Variants in CKAP5 observed in about 807,000 individuals in gnomAD.
CKAP5 encodes the protein cytoskeleton-associated protein 5.
Under a neutral mutation model 232.8 loss-of-function variants are expected in CKAP5, and 27 were observed. That is an observed-to-expected ratio of 0.12 (90% confidence interval 0.09 to 0.16). The LOEUF (loss-of-function observed/expected upper bound fraction) is 0.16, where lower values mean the gene tolerates loss of function less well. Ranked by LOEUF, CKAP5 falls within the 10% of genes least tolerant of loss-of-function variation. The pLI, the probability that CKAP5 is intolerant of heterozygous loss-of-function variation, is 1.00. For missense variants in CKAP5, 1,838 were observed against 2,424.7 expected (o/e 0.76, Z 5.08); for synonymous variants, 785 against 841.1 (o/e 0.93, Z 1.16).
At chr11:46,796,987 G>C in intron 11 of CKAP5, 47 bp from the exon 12 acceptor site, 1 of 1,600,672 alleles carries the variant, frequency 6.2e-7, no homozygotes, top group Non-Finnish European at 8.5e-7. Flanking sequence ...AGGTATTTTA[G>C]GCATTACTCA....
chr11:46,816,454 GA>G, intron 3 of CKAP5, 50 bp from the exon 4 acceptor site: 5 of 1,493,480 alleles, frequency 3.3e-6, no homozygotes, highest in Non-Finnish European at 3.7e-6. Flanking sequence ...GTAAGAATTG[GA>G]AAAAGGTCAC....
chr11:46,762,577 T>C (rs377292704), intron 31 of CKAP5, 50 bp downstream of exon 31: 39 of 1,603,166 alleles, frequency 2.4e-5, no homozygotes, highest in African/African-American at 2.3e-4. Context: ...ATTTCTTCTA[T>C]AGGCTACTGC....
chr11:46,753,332 A>C lies in CKAP5; in HGVS notation c.5035T>G (p.Ser1679Ala). The C allele has an allele frequency of 6.2e-7, 1 of 1,611,788 alleles. No homozygotes were observed. Among genetic ancestry groups the C allele is most frequent in the Non-Finnish European group, 8.5e-7 (1 of 1,179,298 alleles). The change falls in exon 37 of 44, where the codon TCA becomes GCA. Residue 1679 changes from serine (S) to alanine (A), a missense_variant. Ser to Ala is a moderately conservative substitution (Grantham distance 99). This residue lies in a region of CKAP5 where 579 missense variants were observed against 843.2 expected (regional missense o/e 0.69). Transcript: ENST00000529230. ...NLLVVKVLEKSDQTNILSALL... is the reference protein window; with the variant it reads ...NLLVVKVLEKADQTNILSALL... ...TACCTCAGGATGTTGGTCTGGTCTGACTTCTCCAGAACCTTCACCACCAAG... is the reference window on the plus strand; with the variant it reads ...TACCTCAGGATGTTGGTCTGGTCTGCCTTCTCCAGAACCTTCACCACCAAG...
chr11:46,744,390 C>G, intron 43 of CKAP5, 36 bp downstream of exon 43: 6 of 1,613,824 alleles, frequency 3.7e-6, no homozygotes, highest in Non-Finnish European at 5.1e-6. Context: ...CTTGTGACTA[C>G]CCTCCCTGAA....
At chr11:46,757,354 G>A (rs60182009) in intron 35 of CKAP5, among the ~76,000 whole-genome samples, 4 of 151,126 alleles carry the variant, frequency 2.6e-5, no homozygotes, top group Admixed American at 1.3e-4. Flanking sequence ...TTAGCTGGGC[G>A]TGGTGGTGGG....
Position 46,801,144 on chromosome 11 carries a change from GC to G in CKAP5, c.1083+55del. On this transcript the variant is annotated intron_variant, in intron 9 of 43. Coordinates refer to ENST00000529230, the MANE Select transcript of CKAP5 (RefSeq NM_001008938.4). The stretch of plus-strand genomic sequence containing the variant: ...TGTTTTAAAGCAAACAGCAAACTAG[GC>G]CTACCATTTTTGATAAATTTTGTTG... The G allele has an allele frequency of 3.2e-6, 4 of 1,236,026 alleles. No homozygotes were observed. In the South Asian group the frequency reaches 4.8e-5, roughly 15 times the overall value. The allele number at this position is 1,236,026 out of a possible 1,614,324, so 76.6% of individuals were successfully genotyped here.
intron 13 of CKAP5, among the ~76,000 whole-genome samples, chr11:46,791,178 ATAC>A (rs1419327023): frequency 7.9e-5 from 12 of 152,130 alleles, no homozygotes; most frequent in East Asian, 1.9e-4. Flanking sequence ...GCCTGAAATT[ATAC>A]TACATTTACA....
chr11:46,772,568 T>C (rs941850338), intron 24 of CKAP5, among the ~76,000 whole-genome samples: 1 of 152,200 alleles, frequency 6.6e-6, no homozygotes, highest in Admixed American at 6.5e-5. Context: ...GACTTATTTT[T>C]GTAGCTTTGT....
intron 28 of CKAP5, 120 bp from the exon 29 acceptor site, chr11:46,763,750 G>T: frequency 3.4e-6 from 2 of 590,880 alleles, no homozygotes; most frequent in Non-Finnish European, 5.1e-6. Context: ...ATATTCATTT[G>T]TAATTAAATA....
chr11:46,794,676 A>T (rs1395874886), intron 13 of CKAP5, among the ~76,000 whole-genome samples: 1 of 151,872 alleles, frequency 6.6e-6, no homozygotes, highest in Non-Finnish European at 1.5e-5. Context: ...TCTATAAAAA[A>T]TTTTTAAAAA....
chr11:46,760,413 AT>A (rs2065144397), intron 33 of CKAP5, 198 bp downstream of exon 33: 1 of 688,172 alleles, frequency 1.5e-6, no homozygotes, highest in Admixed American at 2.2e-5. Flanking sequence ...GCACAAGACC[AT>A]TTAGAAGTGG....
At chr11:46,780,993 A>G (rs2134623954) in intron 18 of CKAP5, among the ~76,000 whole-genome samples, 1 of 152,248 alleles carries the variant, frequency 6.6e-6, no homozygotes, top group South Asian at 2.1e-4. Context: ...GCTTAATTAC[A>G]ACTCCTAAAT....
At chr11:46,790,918 T>C (rs1314960338) in intron 13 of CKAP5, among the ~76,000 whole-genome samples, 2 of 152,208 alleles carry the variant, frequency 1.3e-5, no homozygotes, top group Non-Finnish European at 2.9e-5. Flanking sequence ...CCCAAAGTGC[T>C]GGGATTACAA....
intron 16 of CKAP5, among the ~76,000 whole-genome samples, chr11:46,785,178 A>G (rs1294862469): frequency 6.6e-6 from 1 of 152,206 alleles, no homozygotes; most frequent in Non-Finnish European, 1.5e-5. Context: ...AAAATAATTT[A>G]AAGATATTAT....
At chr11:46,824,557 G>A (rs1372320023) in intron 1 of CKAP5, among the ~76,000 whole-genome samples, 1 of 152,046 alleles carries the variant, frequency 6.6e-6, no homozygotes, top group Non-Finnish European at 1.5e-5. Flanking sequence ...TCAAACTCAG[G>A]ACCAGTCTTC....
chr11:46,763,664 G>T (rs757986201), intron 28 of CKAP5, 34 bp from the exon 29 acceptor site: 2 of 1,451,062 alleles, frequency 1.4e-6, no homozygotes, highest in Admixed American at 2.5e-5. Context: ...GGGGCTACAG[G>T]GTGTTCAACT....
chr11:46,837,565 G>A (rs1939944931), intron 1 of CKAP5, among the ~76,000 whole-genome samples: 1 of 152,072 alleles, frequency 6.6e-6, no homozygotes, highest in Non-Finnish European at 1.5e-5. Flanking sequence ...GGGAACCAGG[G>A]CACCTTGGGG....
rs771554786 is a variant in CKAP5, at chr11:46,821,169, T to C, written c.57+6A>G. The C allele has an allele frequency of 3.7e-6, 6 of 1,607,582 alleles. No individual in the cohort carries two copies. The East Asian group carries it at 1.3e-4, about 36-fold the overall frequency. ...CACTGAAAATCGAATTCCAGAAGAA[T>C]CTTACCTTGTGTTCACATTTCTGAT... On this transcript the variant is annotated splice_donor_region_variant and intron_variant, in intron 2 of 43. Coordinates refer to ENST00000529230, the MANE Select transcript of CKAP5 (RefSeq NM_001008938.4).
Position 46,780,447 on chromosome 11 carries a change from G to A in CKAP5, c.2288C>T (p.Ala763Val). The A allele has an allele frequency of 1.2e-6, 2 of 1,613,920 alleles. No individual in the cohort carries two copies. Among genetic ancestry groups the A allele is most frequent in the Non-Finnish European group, 8.5e-7 (1 of 1,179,860 alleles). ...VKAFISNVKT[A>V]LAATNPAVRT... is the part of the protein sequence containing the mutation. ...ACTCACTGGGTTTGTTGCAGCAAGAGCTGTCTTCACATTGCTAATGAAAGC... is the reference window on the plus strand; with the variant it reads ...ACTCACTGGGTTTGTTGCAGCAAGAACTGTCTTCACATTGCTAATGAAAGC... The change falls in exon 19 of 44, where the codon GCT (alanine) becomes GTT (valine). Residue 763 changes from alanine (A) to valine (V), a missense_variant. Ala to Val is a moderately conservative substitution (Grantham distance 64, BLOSUM62 0). This residue lies in a region of CKAP5 where 767 missense variants were observed against 954.6 expected (regional missense o/e 0.80). Coordinates refer to ENST00000529230, the MANE Select transcript of CKAP5 (RefSeq NM_001008938.4).
Sources: gnomAD v4.1 joint callset for allele counts (sites outside exome capture counted in the v4.1 genomes callset) on GRCh38, gnomAD v4.1.1 for gene constraint, gnomAD v4.1.1 regional missense constraint, MANE v1.5 for transcripts, NCBI Gene and HGNC (gene_info 2026-07-23, HGNC 2026-07-21) for gene names.